The following SLC43A3 variants were observed in gnomAD, a reference collection of about 807,000 sequenced individuals.
SLC43A3 encodes equilibrative nucleobase transporter 1.
In SLC43A3, 33 loss-of-function variants were observed where a neutral mutation model predicts 53.3. The ratio of observed to expected loss-of-function variants is 0.62; its 90% confidence interval spans 0.47 to 0.83. The LOEUF is 0.83. SLC43A3 is among the 40% of genes least tolerant of loss of function. SLC43A3 has a pLI of 0.00. For missense variants in SLC43A3, 530 were observed against 610.0 expected, an observed-to-expected ratio of 0.87 and a Z score of 1.38; for synonymous variants, 236 against 246.2, an observed-to-expected ratio of 0.96 and a Z score of 0.39.
intron 11 of SLC43A3, among the ~76,000 whole-genome samples, chr11:57,411,798 T>C (rs1404319255): frequency 6.6e-6 from 1 of 152,154 alleles, no homozygotes; most frequent in Non-Finnish European, 1.5e-5. Flanking sequence ...AATTGTATTG[T>C]TATCAAGTAA....
Position 57,421,047 on chromosome 11 carries a change from G to C in SLC43A3, c.456C>G (p.Gly152=), listed in dbSNP as rs1422069510. ...ITNLQIGNLF[G]QHRSTIITLY... is the part of the protein sequence containing the mutation. ...GAGTGATGATGGTCGAACGGTGTTG[G>C]CCAAATAGGTTCCCAATCTGGGGAT... Residue 152 remains glycine, a synonymous_variant, in exon 7 of 14, where the codon GGC becomes GGG. Transcript: ENST00000395124. The C allele has an allele frequency of 8.7e-6, 14 of 1,612,832 alleles. No homozygotes were observed. The highest frequency in any genetic ancestry group is 1.2e-5 in the Non-Finnish European group (14 of 1,178,844).
At chr11:57,421,487 A>T (rs1403005504) in intron 5 of SLC43A3, 114 bp from the exon 6 acceptor site, 1 of 744,416 alleles carries the variant, frequency 1.3e-6, no homozygotes, top group Admixed American at 2.4e-5. Context: ...CCAGGCCCCA[A>T]TTCTAGCCAG....
At chr11:57,412,309 C>T (rs1165246363) in intron 11 of SLC43A3, among the ~76,000 whole-genome samples, 1 of 152,194 alleles carries the variant, frequency 6.6e-6, no homozygotes, top group East Asian at 1.9e-4. Flanking sequence ...AGAATCATGA[C>T]AGAACAGATT....
intron 7 of SLC43A3, among the ~76,000 whole-genome samples, chr11:57,418,142 A>G (rs1194556057): frequency 6.6e-6 from 1 of 152,168 alleles, no homozygotes; most frequent in East Asian, 1.9e-4. Context: ...AGCCTTGACA[A>G]CATAGTGAGA....
At chr11:57,424,454 G>A (rs577745857) in intron 4 of SLC43A3, among the ~76,000 whole-genome samples, 1 of 152,290 alleles carries the variant, frequency 6.6e-6, no homozygotes, top group East Asian at 1.9e-4. Flanking sequence ...TCCTCACTCT[G>A]TGACCTTGGG....
At chr11:57,410,799 T>A (rs531578533) in intron 11 of SLC43A3, among the ~76,000 whole-genome samples, 1 of 152,192 alleles carries the variant, frequency 6.6e-6, no homozygotes, top group African/African-American at 2.4e-5. Context: ...TGGGGGAGGG[T>A]AACTGAATCA....
At chr11:57,418,001 C>T (rs771274685) in intron 7 of SLC43A3, 114 bp from the exon 8 acceptor site, 6 of 926,568 alleles carry the variant, frequency 6.5e-6, no homozygotes, top group African/African-American at 1.7e-5. Context: ...AACAGCTAAA[C>T]ATAATGTGAT....
In SLC43A3 at chr11:57,416,597, T is replaced by C. The variant is rs1054794928; in HGVS notation, c.745A>G (p.Lys249Glu). 6.2e-7 allele frequency: 1 copy of C among 1,613,948 alleles called. No homozygotes were observed. Among genetic ancestry groups the C allele is most frequent in the Non-Finnish European group, 8.5e-7 (1 of 1,179,974 alleles). The change falls in exon 9 of 14, where the codon AAG becomes GAG. Residue 249 changes from lysine (K) to glutamate (E), a missense_variant. Physicochemically the swap from Lys to Glu is moderately conservative, Grantham distance 56. Around this residue, in one of 3 missense-constraint regions of SLC43A3, gnomAD observed 376 missense variants for 386.7 expected, o/e 0.97. Transcript: ENST00000395124. ...CCTTCCTTCGCTGAAAGGAACTCCT[T>C]TGACTGTAGCTCCCTGTTTTCATGC... ...AEHENRELQS[K>E]EFLSAKEETP...
chr11:57,409,627 C>A (rs1272445258), intron 12 of SLC43A3, among the ~76,000 whole-genome samples: 1 of 152,204 alleles, frequency 6.6e-6, no homozygotes, highest in Admixed American at 6.5e-5. Context: ...ACTAAGGGCA[C>A]AAAGAAGGGA....
chr11:57,407,926 C>T (rs1214411451), intron 13 of SLC43A3, 30 bp from the exon 14 acceptor site: 1 of 1,463,680 alleles, frequency 6.8e-7, no homozygotes, highest in Non-Finnish European at 9.6e-7. Flanking sequence ...GAGGTGAAAT[C>T]CAGGAATTCT....
rs186151430 is a variant in SLC43A3 at position 57,426,011 on chromosome 11, A to T, written c.162T>A (p.Ile54=). Residue 54 remains isoleucine, a synonymous_variant, in exon 3 of 14, where the codon ATT becomes ATA. Transcript: ENST00000395124. ...KDLCGPDAGP[I]GNATGQADCK... is the part of the protein sequence containing the mutation. Reference sequence around the variant, plus strand: ...TACCAGCCTGCCCTGTGGCATTGCCAATCGGCCCAGCATCTGGTCCACACA... The same window carrying T: ...TACCAGCCTGCCCTGTGGCATTGCCTATCGGCCCAGCATCTGGTCCACACA... 158 of 1,614,234 alleles carry T rather than the reference A, an allele frequency of 9.8e-5. 3 individuals carry two copies. In the Admixed American group the frequency reaches 2.6e-3, roughly 27 times the overall value.
chr11:57,413,039 T>TCTAC (rs1398717353), intron 11 of SLC43A3, among the ~76,000 whole-genome samples: 1 of 147,082 alleles, frequency 6.8e-6, no homozygotes, highest in East Asian at 2.0e-4. Context: ...AACCCATAGC[T>TCTAC]CTACCACTGA....
At position 57,408,001 on chromosome 11, in the gene SLC43A3, G is replaced by T. The variant is rs1244499153; in HGVS notation, c.1372-105C>A. 8 of 711,528 alleles carry T rather than the reference G, an allele frequency of 1.1e-5. No homozygotes were observed. The East Asian group carries it at 2.1e-4, about 18-fold the overall frequency. 44.1% of individuals were successfully genotyped at this position (711,528 alleles called of 1,614,324 possible). A position where few individuals can be genotyped will look rare whatever the true frequency, so the allele number is the denominator to read the frequency against. On this transcript the variant is annotated intron_variant, in intron 13 of 13. Coordinates refer to ENST00000395124, the MANE Select transcript of SLC43A3 (RefSeq NM_199329.3). Reference sequence around the variant, plus strand: ...CATTCCATGACCAATGAAGGGACCAGAAGTCTACCGAGTTTATATTCTACT... The same window carrying T: ...CATTCCATGACCAATGAAGGGACCATAAGTCTACCGAGTTTATATTCTACT...
At chr11:57,416,302 G>C (rs1942719863) in intron 9 of SLC43A3, among the ~76,000 whole-genome samples, 1 of 152,190 alleles carries the variant, frequency 6.6e-6, no homozygotes, top group Non-Finnish European at 1.5e-5. Context: ...CAGAACCGAG[G>C]AGTGGGGGGA....
rs1378227505 is a variant in SLC43A3 at position 57,407,250 on chromosome 11, C to T, written c.*542G>A. On this transcript the variant is annotated 3_prime_UTR_variant, in exon 14 of 14. Coordinates refer to ENST00000395124, the MANE Select transcript of SLC43A3 (RefSeq NM_199329.3). ...TTCTGAGACCAGACCAGGGTCAGGC[C>T]AAGGTCATCCAGCATCAGTGGCTGG... 1 of 153,968 alleles carries T rather than the reference C, an allele frequency of 6.5e-6. No individual in the cohort carries two copies. The highest frequency in any genetic ancestry group is 6.4e-5 in the Admixed American group (1 of 15,738). 9.5% of individuals were successfully genotyped at this position (153,968 alleles called of 1,614,324 possible).
At chr11:57,416,766 C>T in intron 8 of SLC43A3, 96 bp from the exon 9 acceptor site, 2 of 941,870 alleles carry the variant, frequency 2.1e-6, no homozygotes, top group Admixed American at 2.0e-5. Flanking sequence ...CCACATTCCA[C>T]CGCACTTTGG....
intron 11 of SLC43A3, among the ~76,000 whole-genome samples, chr11:57,411,283 A>G (rs1565094858): frequency 6.6e-6 from 1 of 152,068 alleles, no homozygotes; most frequent in Non-Finnish European, 1.5e-5. Flanking sequence ...ATCTTTAAAA[A>G]TCAGAAACAA....
At chr11:57,424,520 G>A (rs1293818006) in intron 4 of SLC43A3, among the ~76,000 whole-genome samples, 2 of 152,026 alleles carry the variant, frequency 1.3e-5, no homozygotes, top group African/African-American at 4.8e-5. Context: ...AGAAATGATC[G>A]GACTGATCTA....
rs934295352 is a variant in SLC43A3 at position 57,417,775 on chromosome 11, TATGGG to T, written c.639_643del (p.Tyr215ThrfsTer24). On this transcript the variant is annotated frameshift_variant, in exon 8 of 14. Coordinates refer to ENST00000395124, the MANE Select transcript of SLC43A3 (RefSeq NM_199329.3). LOFTEE classifies it high-confidence loss of function. ...ATAGCTGTAGTTGGGGGGCAGTGGG[TATGGG>T]ATGTGCCCCCGGGGCATCAGGAGGA... 6.2e-7 allele frequency: 1 copy of T among 1,613,980 alleles called. No individual in the cohort carries two copies. The highest frequency in any genetic ancestry group is 1.3e-5 in the African/African-American group (1 of 74,904).
Sources: gnomAD v4.1 joint callset for allele counts (sites outside exome capture counted in the v4.1 genomes callset) on GRCh38, gnomAD v4.1.1 for gene constraint, gnomAD v4.1.1 regional missense constraint, MANE v1.5 for transcripts, NCBI Gene and HGNC (gene_info 2026-07-23, HGNC 2026-07-21) for gene names.